The following GABBR2 variants were observed in gnomAD, a reference collection of about 807,000 sequenced individuals.
The protein encoded by GABBR2 is gamma-aminobutyric acid type B receptor subunit 2.
In GABBR2, 23 loss-of-function variants were observed where a neutral mutation model predicts 105.6. That is an observed-to-expected ratio of 0.22 (90% CI 0.16 to 0.31). The LOEUF (loss-of-function observed/expected upper bound fraction) is 0.31, where lower values mean the gene tolerates loss of function less well. Among genes scored for constraint, GABBR2 ranks in the 10% least tolerant of loss-of-function variants. GABBR2 has a pLI of 1.00. For missense variants in GABBR2, 734 were observed against 1,245.5 expected (o/e 0.59, Z 6.18); for synonymous variants, 478 against 499.7 (o/e 0.96, Z 0.58).
intron 1 of GABBR2, among the ~76,000 whole-genome samples, chr9:98,602,875 A>T (rs1211189797): frequency 1.3e-5 from 2 of 152,220 alleles, no homozygotes; most frequent in East Asian, 3.8e-4. Context: ...AGAGTCCAGT[A>T]TGCTACAGGC....
intron 13 of GABBR2, among the ~76,000 whole-genome samples, chr9:98,351,253 T>C (rs1831395067): frequency 6.6e-6 from 1 of 152,234 alleles, no homozygotes; most frequent in African/African-American, 2.4e-5. Context: ...TATTGATAAG[T>C]GCAGATTTAC....
chr9:98,381,247 G>A (rs1831969779), intron 11 of GABBR2, among the ~76,000 whole-genome samples: 1 of 152,216 alleles, frequency 6.6e-6, no homozygotes, highest in African/African-American at 2.4e-5. Flanking sequence ...GAAAACTGAG[G>A]TTAAGTCACT....
At chr9:98,665,086 A>C (rs1830315798) in intron 1 of GABBR2, among the ~76,000 whole-genome samples, 1 of 152,060 alleles carries the variant, frequency 6.6e-6, no homozygotes, top group Non-Finnish European at 1.5e-5. Context: ...AGGCAACAGA[A>C]TGAGACTCTG....
intron 1 of GABBR2, among the ~76,000 whole-genome samples, chr9:98,665,184 G>C (rs983745519): frequency 6.6e-6 from 1 of 152,094 alleles, no homozygotes; most frequent in Non-Finnish European, 1.5e-5. Context: ...TAGGAGGATC[G>C]CCTGAGCCTG....
intron 7 of GABBR2, among the ~76,000 whole-genome samples, chr9:98,425,222 G>GTGAATGAA (rs3029536): frequency 1.3e-4 from 19 of 151,690 alleles, no homozygotes; most frequent in African/African-American, 4.4e-4. Flanking sequence ...GAATGAATGG[G>GTGAATGAA]TGAATGAATG....
At chr9:98,540,956 C>T (rs1335466117) in intron 3 of GABBR2, among the ~76,000 whole-genome samples, 1 of 152,202 alleles carries the variant, frequency 6.6e-6, no homozygotes, top group Non-Finnish European at 1.5e-5. Context: ...ATTAGAACTG[C>T]CTTTTTGGAA....
At chr9:98,602,851 A>C (rs1259811460) in intron 1 of GABBR2, among the ~76,000 whole-genome samples, 2 of 152,212 alleles carry the variant, frequency 1.3e-5, no homozygotes, top group African/African-American at 4.8e-5. Context: ...ACGTGGGGCC[A>C]TAGTCTGTAC....
intron 1 of GABBR2, among the ~76,000 whole-genome samples, chr9:98,638,477 G>T (rs10987193): frequency 0.091 from 13,779 of 152,200 alleles, 969 homozygotes; most frequent in African/African-American, 0.19. Flanking sequence ...TCTCACTAAT[G>T]CAGGCCCTGT....
intron 1 of GABBR2, among the ~76,000 whole-genome samples, chr9:98,639,860 C>T (rs369508762): frequency 1.3e-5 from 2 of 152,164 alleles, no homozygotes; most frequent in East Asian, 1.9e-4. Flanking sequence ...CTGCCCTGCC[C>T]GGCCTGGGAG....
At chr9:98,446,182 T>C (rs1419373234) in intron 7 of GABBR2, among the ~76,000 whole-genome samples, 1 of 152,218 alleles carries the variant, frequency 6.6e-6, no homozygotes, top group South Asian at 2.1e-4. Context: ...GAATGGTATC[T>C]CATAGGTATG....
chr9:98,648,384 C>T (rs1181030887), intron 1 of GABBR2, among the ~76,000 whole-genome samples: 1 of 152,112 alleles, frequency 6.6e-6, no homozygotes, highest in Non-Finnish European at 1.5e-5. Context: ...CCACCCACCT[C>T]AGCCTCCCAA....
intron 7 of GABBR2, among the ~76,000 whole-genome samples, chr9:98,448,971 T>C (rs909416918): frequency 2.0e-5 from 3 of 151,964 alleles, no homozygotes; most frequent in African/African-American, 7.3e-5. Flanking sequence ...GATTTTCACC[T>C]GAAGACTTAG....
At chr9:98,557,556 C>T (rs1828608034) in intron 2 of GABBR2, among the ~76,000 whole-genome samples, 1 of 152,088 alleles carries the variant, frequency 6.6e-6, no homozygotes, top group Non-Finnish European at 1.5e-5. Flanking sequence ...ACTGAGTTCC[C>T]CAGCACTGGA....
intron 1 of GABBR2, among the ~76,000 whole-genome samples, chr9:98,654,408 C>T (rs745862930): frequency 1.3e-5 from 2 of 152,210 alleles, no homozygotes; most frequent in East Asian, 1.9e-4. Flanking sequence ...GTATTATCTT[C>T]GTCATCATTC....
At position 98,303,228 on chromosome 9, in the gene GABBR2, C is replaced by T. The variant is rs1006006412; in HGVS notation, c.2412+13G>A. ...GCAGACAGGGCCCAGCTACCAGATGCAGAGGGAGGTACCTCTGTGATCTTC... is the reference window on the plus strand; with the variant it reads ...GCAGACAGGGCCCAGCTACCAGATGTAGAGGGAGGTACCTCTGTGATCTTC... On this transcript the variant is annotated intron_variant, in intron 16 of 18. Coordinates refer to ENST00000259455, the MANE Select transcript of GABBR2 (RefSeq NM_005458.8). 6 of 1,611,004 alleles carry T rather than the reference C, an allele frequency of 3.7e-6. No individual in the cohort carries two copies. In the Admixed American group the frequency reaches 5.0e-5, roughly 13 times the overall value.
chr9:98,580,880 C>T (rs977709770), intron 1 of GABBR2, among the ~76,000 whole-genome samples: 7 of 152,196 alleles, frequency 4.6e-5, no homozygotes, highest in Non-Finnish European at 1.5e-5. Flanking sequence ...TTGTCTTTCT[C>T]TCCATTCTGT....
chr9:98,513,112 A>G (rs1005662712), intron 3 of GABBR2, among the ~76,000 whole-genome samples: 3 of 152,234 alleles, frequency 2.0e-5, no homozygotes, highest in Admixed American at 6.5e-5. Context: ...CACATCTACA[A>G]CTATCTGATC....
At chr9:98,554,815 C>T (rs902655017) in intron 2 of GABBR2, among the ~76,000 whole-genome samples, 3 of 152,088 alleles carry the variant, frequency 2.0e-5, no homozygotes, top group South Asian at 4.1e-4. Flanking sequence ...CTATTAGTTC[C>T]GCAAATCCTT....
intron 1 of GABBR2, among the ~76,000 whole-genome samples, chr9:98,694,151 T>C (rs186922280): frequency 2.0e-5 from 3 of 152,376 alleles, no homozygotes; most frequent in Admixed American, 2.0e-4. Flanking sequence ...TGGGCTGCAG[T>C]GGACTGGCCC....
Sources: allele counts gnomAD v4.1 joint callset (sites outside exome capture counted in the v4.1 genomes callset), GRCh38; gene constraint gnomAD v4.1.1; transcripts MANE v1.5; gene names NCBI Gene and HGNC (gene_info 2026-07-23, HGNC 2026-07-21).